Variants in CNBD1 observed in about 807,000 individuals in gnomAD.
CNBD1 encodes the protein cyclic nucleotide binding domain containing 1.
Under a neutral mutation model 54.4 loss-of-function variants are expected in CNBD1, and 71 were observed. That is an observed-to-expected ratio of 1.30 (90% CI 1.08 to 1.59). The LOEUF (loss-of-function observed/expected upper bound fraction) is 1.59, where lower values mean the gene tolerates loss of function less well. Among genes scored for constraint, CNBD1 ranks in the 40% most tolerant of loss-of-function variants. CNBD1 has a pLI of 0.00. For missense variants in CNBD1, 659 were observed against 518.0 expected (o/e 1.27, Z -2.64); for synonymous variants, 182 against 170.7 (o/e 1.07, Z -0.51).
intron 3 of CNBD1, among the ~76,000 whole-genome samples, chr8:86,937,058 G>A (rs1012622068): frequency 3.9e-5 from 6 of 152,306 alleles, no homozygotes; most frequent in African/African-American, 1.4e-4. Context: ...CTGAGACTGA[G>A]TAATTTATAA....
chr8:87,129,489 CA>C (rs1413217182), intron 4 of CNBD1, among the ~76,000 whole-genome samples: 2 of 152,096 alleles, frequency 1.3e-5, no homozygotes, highest in Non-Finnish European at 2.9e-5. Flanking sequence ...TGTTCTTGAT[CA>C]ATCTGCTGAG....
chr8:87,218,455 A>G (rs757256012), intron 5 of CNBD1, among the ~76,000 whole-genome samples: 27 of 152,220 alleles, frequency 1.8e-4, no homozygotes, highest in Non-Finnish European at 3.1e-4. Flanking sequence ...TCACGGTGCC[A>G]TTCTTTTGAC....
chr8:87,183,163 T>C (rs1315386286), intron 4 of CNBD1, among the ~76,000 whole-genome samples: 1 of 152,186 alleles, frequency 6.6e-6, no homozygotes, highest in Non-Finnish European at 1.5e-5. Context: ...GTGAGTCTTT[T>C]CCCTACTGCT....
At chr8:86,948,760 C>T (rs931768868) in intron 4 of CNBD1, among the ~76,000 whole-genome samples, 1 of 152,086 alleles carries the variant, frequency 6.6e-6, no homozygotes, top group African/African-American at 2.4e-5. Flanking sequence ...AACTTTACAA[C>T]TTGATGTGAT....
chr8:87,366,940 T>C (rs1048549822), intron 10 of CNBD1, among the ~76,000 whole-genome samples: 50 of 152,052 alleles, frequency 3.3e-4, no homozygotes, highest in African/African-American at 1.2e-3. Flanking sequence ...TCAAAGAGTT[T>C]TGGATATCCC....
chr8:87,174,702 T>G (rs1442461255), intron 4 of CNBD1, among the ~76,000 whole-genome samples: 2 of 152,186 alleles, frequency 1.3e-5, no homozygotes, highest in Non-Finnish European at 2.9e-5. Flanking sequence ...TGGGCTTCTT[T>G]TTTTAACTTG....
chr8:87,186,494 T>A (rs1813478662), intron 4 of CNBD1, among the ~76,000 whole-genome samples: 1 of 152,136 alleles, frequency 6.6e-6, no homozygotes, highest in African/African-American at 2.4e-5. Flanking sequence ...TACTTCAAAC[T>A]TCTCCAAAGT....
chr8:87,263,942 C>A (rs956262367), intron 6 of CNBD1, among the ~76,000 whole-genome samples: 1 of 151,828 alleles, frequency 6.6e-6, no homozygotes, highest in African/African-American at 2.4e-5. Flanking sequence ...TCTTTTATAC[C>A]ATATATTACA....
intron 8 of CNBD1, among the ~76,000 whole-genome samples, chr8:87,342,643 G>T (rs542662738): frequency 2.8e-4 from 42 of 152,206 alleles, no homozygotes; most frequent in African/African-American, 9.9e-4. Flanking sequence ...TTACAGCTGG[G>T]CCTCTGAGGG....
At chr8:87,159,817 G>A (rs1368858045) in intron 4 of CNBD1, among the ~76,000 whole-genome samples, 1 of 152,032 alleles carries the variant, frequency 6.6e-6, no homozygotes, top group Non-Finnish European at 1.5e-5. Flanking sequence ...TGGCTGTTGG[G>A]AGCTGCTTCT....
At chr8:87,382,885 T>G (rs1026414614), downstream of CNBD1, 2 of 359,532 alleles carry the variant, frequency 5.6e-6, no homozygotes, top group Non-Finnish European at 1.0e-5. Context: ...AGGTTTTCTT[T>G]CAAGTGTTTC....
intron 4 of CNBD1, among the ~76,000 whole-genome samples, chr8:87,140,716 A>G (rs953547175): frequency 2.6e-5 from 4 of 152,196 alleles, no homozygotes; most frequent in African/African-American, 9.6e-5. Context: ...AGTTAGAAGT[A>G]TTAAAAATTC....
chr8:87,151,285 T>C (rs183018029), intron 4 of CNBD1, among the ~76,000 whole-genome samples: 2 of 152,152 alleles, frequency 1.3e-5, no homozygotes, highest in Non-Finnish European at 2.9e-5. Flanking sequence ...ATACCAAGTA[T>C]CTACAATCTA....
At chr8:87,192,716 C>T (rs138294673) in intron 4 of CNBD1, among the ~76,000 whole-genome samples, 2 of 152,156 alleles carry the variant, frequency 1.3e-5, no homozygotes, top group Admixed American at 6.5e-5. Context: ...CACATCAGCC[C>T]TATGGATTCC....
chr8:87,099,986 A>G (rs950383063), intron 4 of CNBD1, among the ~76,000 whole-genome samples: 22 of 152,214 alleles, frequency 1.4e-4, no homozygotes, highest in African/African-American at 5.3e-4. Flanking sequence ...AGAAGTCTGG[A>G]GGAAGAGGAA....
At chr8:87,318,717 G>GT (rs1809454091) in intron 8 of CNBD1, among the ~76,000 whole-genome samples, 1 of 151,878 alleles carries the variant, frequency 6.6e-6, no homozygotes, top group Non-Finnish European at 1.5e-5. Context: ...GGGAGGGGGG[G>GT]CATTGGATAA....
At chr8:86,884,622 G>T (rs1808654413) in intron 1 of CNBD1, among the ~76,000 whole-genome samples, 1 of 152,126 alleles carries the variant, frequency 6.6e-6, no homozygotes, top group African/African-American at 2.4e-5. Context: ...GGAAGACTTA[G>T]TCATGCTTAT....
intron 4 of CNBD1, among the ~76,000 whole-genome samples, chr8:87,138,137 G>A (rs1489224123): frequency 1.3e-5 from 2 of 152,068 alleles, no homozygotes; most frequent in Admixed American, 6.5e-5. Flanking sequence ...GTTTTTCTTG[G>A]TCTCTCATCA....
At chr8:86,998,305 G>A (rs576160330) in intron 4 of CNBD1, among the ~76,000 whole-genome samples, 1 of 151,878 alleles carries the variant, frequency 6.6e-6, no homozygotes, top group Middle Eastern at 3.4e-3. Context: ...TGTAATGCAT[G>A]TACTTTCTCC....
Sources: allele counts gnomAD v4.1 joint callset (sites outside exome capture counted in the v4.1 genomes callset), GRCh38; gene constraint gnomAD v4.1.1; transcripts MANE v1.5; gene names NCBI Gene and HGNC (gene_info 2026-07-23, HGNC 2026-07-21).